The following URM1 variants were observed in gnomAD, a reference collection of about 807,000 sequenced individuals.
URM1 encodes ubiquitin related modifier 1.
In URM1, 11 loss-of-function variants were observed where a neutral mutation model predicts 17.7. That is an observed-to-expected ratio of 0.62 (90% CI 0.39 to 1.03). The LOEUF is 1.03. Ranked by LOEUF, URM1 falls within the 50% of genes least tolerant of loss-of-function variation. The pLI is 0.00. For missense variants in URM1, 128 were observed against 129.2 expected (o/e 0.99, Z 0.04); for synonymous variants, 48 against 50.6 (o/e 0.95, Z 0.22).
Position 128,390,084 on chromosome 9 carries a change from GACAAGGCGCTCCAGCCCCAGAGCCAGCGT to G in URM1, c.*351_*379del, listed in dbSNP as rs1833289556. 3.3e-6 allele frequency: 1 copy of G among 302,894 alleles called. No homozygotes were observed. Among genetic ancestry groups the G allele is most frequent in the Non-Finnish European group, 6.1e-6 (1 of 163,172 alleles). 18.8% of individuals were successfully genotyped at this position (302,894 alleles called of 1,614,324 possible). A position where few individuals can be genotyped will look rare whatever the true frequency, so the allele number is the denominator to read the frequency against. On this transcript the variant is annotated 3_prime_UTR_variant, in exon 5 of 5. Coordinates refer to ENST00000372853, the MANE Select transcript of URM1 (RefSeq NM_030914.4). ...TCAGTCTAAACATGGAGTGGCCGCT[GACAAGGCGCTCCAGCCCCAGAGCCAGCGT>G]CTTCATGGGGAAGATGAATGGACCT... is the stretch of plus-strand genomic sequence containing the variant.
At chr9:128,380,717 C>T (rs918738087) in intron 2 of URM1, among the ~76,000 whole-genome samples, 9 of 151,288 alleles carry the variant, frequency 5.9e-5, no homozygotes, top group Non-Finnish European at 1.0e-4. Context: ...CGCGCTGCAA[C>T]CCCCACCTCC....
In URM1 at chr9:128,389,333, T is replaced by TC. The variant is rs746347710; in HGVS notation, c.237+29dup. On this transcript the variant is annotated intron_variant, in intron 4 of 4. Coordinates refer to ENST00000372853, the MANE Select transcript of URM1 (RefSeq NM_030914.4). ...TGGTCAGTACCTTGGGGGACATCCC[T>TC]CCCCCAGCCCCTGCCCTTGCTGCTT... 12 of 1,613,608 alleles carry TC rather than the reference T, an allele frequency of 7.4e-6. No homozygotes were observed. The African/African-American group carries it at 1.5e-4, about 20-fold the overall frequency.
chr9:128,381,334 T>C (rs996495906), intron 2 of URM1, among the ~76,000 whole-genome samples: 3 of 152,160 alleles, frequency 2.0e-5, no homozygotes, highest in Non-Finnish European at 4.4e-5. Context: ...TTTTAGTAAC[T>C]GGCATGAGGA....
chr9:128,387,474 C>T lies in URM1; in HGVS notation c.107-342C>T, dbSNP rs1833243290. Reference sequence around the variant, plus strand: ...GCCATGGCAGTTGGAGACTGGCTTCCAGGACTTGTGGGTAGGGGCCTGTCT... The same window carrying T: ...GCCATGGCAGTTGGAGACTGGCTTCTAGGACTTGTGGGTAGGGGCCTGTCT... On this transcript the variant is annotated intron_variant, in intron 2 of 4. Transcript: ENST00000372853. The surrounding 1 kb of genome is among the most constrained non-coding windows in gnomAD (Gnocchi z 4.3). Among the ~76,000 whole-genome samples the T allele has an allele frequency of 6.6e-6, 1 of 152,178 alleles. No individual in the cohort carries two copies. Among genetic ancestry groups the T allele is most frequent in the South Asian group, 2.1e-4 (1 of 4,830 alleles).
chr9:128,376,442 G>A (rs928555605), intron 1 of URM1, among the ~76,000 whole-genome samples: 7 of 150,000 alleles, frequency 4.7e-5, no homozygotes, highest in Non-Finnish European at 1.0e-4. Context: ...GGTGGATCAC[G>A]AGGTCAGGAG....
intron 2 of URM1, among the ~76,000 whole-genome samples, chr9:128,378,564 A>C (rs937511012): frequency 3.3e-5 from 5 of 150,506 alleles, no homozygotes; most frequent in African/African-American, 4.9e-5. Flanking sequence ...AAAAAAAAAA[A>C]AAAAAAAACT....
chr9:128,383,887 G>A (rs779078132), intron 2 of URM1, among the ~76,000 whole-genome samples: 1 of 152,136 alleles, frequency 6.6e-6, no homozygotes, highest in Non-Finnish European at 1.5e-5. Flanking sequence ...AGCTTGCGTC[G>A]GTGCTCTCCA....
At position 128,389,253 on chromosome 9, in the gene URM1, T is replaced by TCC; in HGVS notation, c.189-6_189-5dup. The TCC allele has an allele frequency of 2.5e-6, 4 of 1,591,544 alleles. No homozygotes were observed. The highest frequency in any genetic ancestry group is 3.4e-6 in the Non-Finnish European group (4 of 1,166,464). ...ACTCCTTGCTACTCACCACCATCTT[T>TCC]CCCACAGGCGGCCAGGAATTCTGGT... On this transcript the variant is annotated splice_polypyrimidine_tract_variant and splice_region_variant and intron_variant, in intron 3 of 4. Coordinates refer to ENST00000372853, the MANE Select transcript of URM1 (RefSeq NM_030914.4).
intron 1 of URM1, among the ~76,000 whole-genome samples, chr9:128,375,208 A>T (rs1833061430): frequency 6.6e-6 from 1 of 152,174 alleles, no homozygotes; most frequent in South Asian, 2.1e-4. Flanking sequence ...TGGTGAGGCG[A>T]TGTGAACAGT....
At chr9:128,385,803 G>T (rs1452506938) in intron 2 of URM1, among the ~76,000 whole-genome samples, 1 of 151,962 alleles carries the variant, frequency 6.6e-6, no homozygotes, top group African/African-American at 2.4e-5. Flanking sequence ...CCAGGCATGG[G>T]GGAACAATAC....
At position 128,391,960 on chromosome 9, in the gene URM1, C is replaced by G. The variant is rs1158398939; in HGVS notation, c.*2226C>G. On this transcript the variant is annotated 3_prime_UTR_variant, in exon 5 of 5. Transcript: ENST00000372853. Reference sequence around the variant, plus strand: ...AGCTCCCAACTGCCCCTCTCCCAAGCAACTCCTGATCCCTGCTTTTGAGGA... The same window carrying G: ...AGCTCCCAACTGCCCCTCTCCCAAGGAACTCCTGATCCCTGCTTTTGAGGA... The G allele has an allele frequency of 2.0e-5, 3 of 152,342 alleles. No homozygotes were observed. Among genetic ancestry groups the G allele is most frequent in the African/African-American group, 7.2e-5 (3 of 41,470 alleles). 9.4% of individuals were successfully genotyped at this position (152,342 alleles called of 1,614,324 possible).
intron 1 of URM1, among the ~76,000 whole-genome samples, 196 bp downstream of exon 1, chr9:128,371,611 C>T (rs1467354610): frequency 6.6e-6 from 1 of 152,172 alleles, no homozygotes; most frequent in Non-Finnish European, 1.5e-5. Flanking sequence ...GAAATAGAGG[C>T]GCACATTGGG....
At chr9:128,385,813 C>A (rs982706428) in intron 2 of URM1, among the ~76,000 whole-genome samples, 2 of 151,658 alleles carry the variant, frequency 1.3e-5, no homozygotes, top group African/African-American at 4.9e-5. Flanking sequence ...GGGAACAATA[C>A]GAGTGGCGAT....
Position 128,389,790 on chromosome 9 carries a change from C to A in URM1, c.*56C>A. ...AGGGGAGAACGAAGCAATCAGACAT[C>A]CCCTTGGGCCCTGCTTCCAGGTCTC... On this transcript the variant is annotated 3_prime_UTR_variant, in exon 5 of 5. Transcript: ENST00000372853. 1 of 1,608,556 alleles carries A rather than the reference C, an allele frequency of 6.2e-7. No homozygotes were observed. Among genetic ancestry groups the A allele is most frequent in the Non-Finnish European group, 8.5e-7 (1 of 1,176,964 alleles).
intron 2 of URM1, among the ~76,000 whole-genome samples, chr9:128,379,581 C>T (rs1340224905): frequency 1.3e-5 from 2 of 152,126 alleles, no homozygotes; most frequent in African/African-American, 2.4e-5. Context: ...GGGTGGATCA[C>T]GAGGTCAGGA....
intron 3 of URM1, 114 bp from the exon 4 acceptor site, chr9:128,389,147 G>T: frequency 6.7e-7 from 1 of 1,491,976 alleles, no homozygotes; most frequent in Non-Finnish European, 8.9e-7. Flanking sequence ...CCAGACCCCA[G>T]GAGGAAGGCT....
At chr9:128,376,387 C>T (rs1247328399) in intron 1 of URM1, among the ~76,000 whole-genome samples, 5 of 150,276 alleles carry the variant, frequency 3.3e-5, no homozygotes, top group Non-Finnish European at 5.9e-5. Flanking sequence ...AGGCCAGGCA[C>T]GGTGGCTCAC....
At position 128,379,755 on chromosome 9, in the gene URM1, ATGCCAC is replaced by A. The variant is rs1588581740; in HGVS notation, c.106+1653_106+1658del. 2.0e-5 allele frequency among the ~76,000 whole-genome samples: 3 copies of A among 150,458 alleles called. No homozygotes were observed. The East Asian group carries it at 5.9e-4, about 30-fold the overall frequency. ...GGCGGAGGTTGCAGTGAGCCGAATC[ATGCCAC>A]TGCACTCCAGCCTGGGCAACAGAGC... On this transcript the variant is annotated intron_variant, in intron 2 of 4. Coordinates refer to ENST00000372853, the MANE Select transcript of URM1 (RefSeq NM_030914.4).
In URM1 at chr9:128,383,661, G is replaced by A. The variant is rs532526118; in HGVS notation, c.107-4155G>A. On this transcript the variant is annotated intron_variant, in intron 2 of 4. Transcript: ENST00000372853. ...AAAAGAGCTCTTAACAATCAGAGCC[G>A]CTCCACAGAGGAGCTGACCTCCTGT... Among the ~76,000 whole-genome samples, 170 of 152,280 alleles carry A rather than the reference G, an allele frequency of 1.1e-3. 1 individual carries two copies. Among genetic ancestry groups the A allele is most frequent in the African/African-American group, 3.9e-3 (164 of 41,542 alleles).
Sources: gnomAD v4.1 joint callset for allele counts (sites outside exome capture counted in the v4.1 genomes callset) on GRCh38, gnomAD v4.1.1 for gene constraint, Gnocchi (gnomAD v3.1) non-coding constraint, MANE v1.5 for transcripts, NCBI Gene and HGNC (gene_info 2026-07-23, HGNC 2026-07-21) for gene names.